The following CENPP variants were observed in gnomAD, a reference collection of about 807,000 sequenced individuals.
CENPP encodes centromere protein P.
In CENPP, 24 loss-of-function variants were observed where a neutral mutation model predicts 35.6. The observed-to-expected ratio is 0.67, with a 90% CI of 0.49 to 0.95. The LOEUF is 0.95. CENPP is among the 40% of genes least tolerant of loss of function. The pLI is 0.00. For missense variants in CENPP, 332 were observed against 345.3 expected (o/e 0.96, Z 0.31); for synonymous variants, 120 against 125.5 (o/e 0.96, Z 0.29).
At chr9:92,387,810 C>A (rs1842496210) in intron 5 of CENPP, among the ~76,000 whole-genome samples, 1 of 152,110 alleles carries the variant, frequency 6.6e-6, no homozygotes, top group Admixed American at 6.5e-5. Flanking sequence ...GTTGCCCAGG[C>A]TGTAGTGCAG....
At position 92,337,534 on chromosome 9, in the gene CENPP, T is replaced by C; in HGVS notation, c.290-7T>C. On this transcript the variant is annotated splice_region_variant and splice_polypyrimidine_tract_variant and intron_variant, in intron 2 of 7. Transcript: ENST00000375587. ...GCAAACAAAATATTTGTTTTTCTGC[T>C]TTACAGGTATTAGAAAAGTTCTACA... 6.5e-7 allele frequency: 1 copy of C among 1,533,026 alleles called. No individual in the cohort carries two copies. Among genetic ancestry groups the C allele is most frequent in the Non-Finnish European group, 9.0e-7 (1 of 1,107,840 alleles). The allele number at this position is 1,533,026 out of a possible 1,614,324, so 95.0% of individuals were successfully genotyped here.
intron 5 of CENPP, chr9:92,522,637 T>C (rs200534289): frequency 6.2e-7 from 1 of 1,614,004 alleles, no homozygotes; most frequent in East Asian, 2.2e-5. Context: ...AAACTTTTCC[T>C]CCATGCTATA....
At chr9:92,360,443 C>T (rs555376759) in intron 4 of CENPP, among the ~76,000 whole-genome samples, 12 of 152,160 alleles carry the variant, frequency 7.9e-5, no homozygotes, top group African/African-American at 2.4e-4. Context: ...GGGGTGCACT[C>T]GTAGTCCCAG....
chr9:92,448,550 A>G (rs920616443), intron 5 of CENPP, among the ~76,000 whole-genome samples: 3 of 151,842 alleles, frequency 2.0e-5, no homozygotes, highest in Non-Finnish European at 4.4e-5. Context: ...CAGGGAGGCA[A>G]GGCTTGCTGC....
intron 5 of CENPP, chr9:92,401,007 G>A: frequency 1.5e-6 from 1 of 676,938 alleles, no homozygotes; most frequent in Non-Finnish European, 2.6e-6. Context: ...TGTATCTTGA[G>A]TCAGTTTTTG....
At chr9:92,415,736 T>A (rs1843573399) in intron 5 of CENPP, among the ~76,000 whole-genome samples, 3 of 149,148 alleles carry the variant, frequency 2.0e-5, no homozygotes, top group Non-Finnish European at 4.5e-5. Context: ...CAAAAAAAAA[T>A]TATCTACAAT....
rs1032008783 is a variant in CENPP, at chr9:92,425,526, C to T, written c.564+45667C>T. 5.3e-5 allele frequency among the ~76,000 whole-genome samples: 8 copies of T among 152,052 alleles called. No homozygotes were observed. In the South Asian group the frequency reaches 6.2e-4, roughly 12 times the overall value. ...GACTTGTGTCTTTTGGCAGTAGATT[C>T]GGAGTTCATTTTGGGGGGGAATTCT... On this transcript the variant is annotated intron_variant, in intron 5 of 7. Transcript: ENST00000375587.
intron 5 of CENPP, among the ~76,000 whole-genome samples, chr9:92,438,618 A>C (rs1325957045): frequency 6.6e-6 from 1 of 152,222 alleles, no homozygotes; most frequent in Non-Finnish European, 1.5e-5. Context: ...TTAAGATTTC[A>C]TAATGATTGA....
chr9:92,412,600 A>G (rs1175495670), intron 5 of CENPP, among the ~76,000 whole-genome samples: 1 of 152,216 alleles, frequency 6.6e-6, no homozygotes, highest in Non-Finnish European at 1.5e-5. Context: ...TAAAGATGGA[A>G]TCATACAATT....
At chr9:92,329,297 G>C (rs1278767298) in intron 1 of CENPP, among the ~76,000 whole-genome samples, 1 of 149,896 alleles carries the variant, frequency 6.7e-6, no homozygotes, top group Admixed American at 6.7e-5. Flanking sequence ...GGAGTCTCCT[G>C]CCTCAGCCTC....
intron 5 of CENPP, among the ~76,000 whole-genome samples, chr9:92,398,428 A>G (rs1439676115): frequency 6.6e-6 from 1 of 152,054 alleles, no homozygotes; most frequent in Non-Finnish European, 1.5e-5. Context: ...CTCTCCCCCA[A>G]TTTCTTTTTA....
intron 4 of CENPP, among the ~76,000 whole-genome samples, chr9:92,366,267 C>T (rs1233329569): frequency 6.6e-6 from 1 of 151,130 alleles, no homozygotes; most frequent in Non-Finnish European, 1.5e-5. Flanking sequence ...TAAAATATAT[C>T]TGAGAAATGA....
chr9:92,494,417 A>T (rs1846259860), intron 5 of CENPP, among the ~76,000 whole-genome samples: 1 of 152,192 alleles, frequency 6.6e-6, no homozygotes, highest in African/African-American at 2.4e-5. Context: ...TGGCCACTTT[A>T]AAATTAGTAA....
At chr9:92,461,505 T>G (rs1845109879) in intron 5 of CENPP, among the ~76,000 whole-genome samples, 1 of 152,208 alleles carries the variant, frequency 6.6e-6, no homozygotes, top group Non-Finnish European at 1.5e-5. Context: ...TTTATTTCCA[T>G]ATTAATTTGT....
At chr9:92,385,914 A>T (rs955673332) in intron 5 of CENPP, 21 of 854,568 alleles carry the variant, frequency 2.5e-5, no homozygotes, top group Non-Finnish European at 7.4e-6. Context: ...CCTTGTGTCA[A>T]ATTAATTAGG....
intron 5 of CENPP, among the ~76,000 whole-genome samples, chr9:92,472,618 A>G (rs749561273): frequency 6.6e-6 from 1 of 152,120 alleles, no homozygotes; most frequent in Non-Finnish European, 1.5e-5. Flanking sequence ...AGATCGCGCC[A>G]TTGTACTCCA....
intron 5 of CENPP, among the ~76,000 whole-genome samples, chr9:92,437,935 G>A (rs1427118693): frequency 1.3e-5 from 2 of 150,502 alleles, no homozygotes; most frequent in African/African-American, 2.5e-5. Context: ...AGCATCTCGA[G>A]TAGCTGAGAC....
chr9:92,353,209 G>A (rs772285340), intron 4 of CENPP, among the ~76,000 whole-genome samples: 3 of 152,130 alleles, frequency 2.0e-5, no homozygotes, highest in Non-Finnish European at 4.4e-5. Flanking sequence ...TATTTTTAAC[G>A]AAAGAAGAAG....
intron 5 of CENPP, among the ~76,000 whole-genome samples, chr9:92,471,871 G>A (rs1845532715): frequency 6.6e-6 from 1 of 152,018 alleles, no homozygotes; most frequent in African/African-American, 2.4e-5. Flanking sequence ...TGTTGGCCAG[G>A]CTAGTCTCGA....
Sources: gnomAD v4.1 joint callset for allele counts (sites outside exome capture counted in the v4.1 genomes callset) on GRCh38, gnomAD v4.1.1 for gene constraint, MANE v1.5 for transcripts, NCBI Gene and HGNC (gene_info 2026-07-23, HGNC 2026-07-21) for gene names.